OSBPL8: variants seen among roughly 807,000 people sequenced by gnomAD.
OSBPL8 encodes the protein oxysterol binding protein like 8.
OSBPL8 carries 59 observed loss-of-function variants against 125.5 expected under a neutral mutation model. The ratio of observed to expected loss-of-function variants is 0.47; its 90% CI spans 0.38 to 0.58. The LOEUF (loss-of-function observed/expected upper bound fraction) is 0.58. Ranked by LOEUF, OSBPL8 falls within the 20% of genes least tolerant of loss-of-function variation. The pLI is 0.00. For synonymous variants in OSBPL8, 330 were observed against 338.9 expected, an observed-to-expected ratio of 0.97 and a Z score of 0.29; for missense variants, 758 against 1,047.8, an observed-to-expected ratio of 0.72 and a Z score of 3.82.
intron 1 of OSBPL8, among the ~76,000 whole-genome samples, chr12:76,556,879 G>A (rs986273615): frequency 6.6e-6 from 1 of 151,880 alleles, no homozygotes; most frequent in African/African-American, 2.4e-5. Context: ...TTGGCCAGGC[G>A]GGTCTTGAAC....
intron 4 of OSBPL8, among the ~76,000 whole-genome samples, chr12:76,426,211 C>T (rs1202896554): frequency 6.6e-6 from 1 of 152,198 alleles, no homozygotes; most frequent in Non-Finnish European, 1.5e-5. Flanking sequence ...CTAATCAGAT[C>T]ATGTTCAAAT....
intron 4 of OSBPL8, among the ~76,000 whole-genome samples, chr12:76,426,565 G>C (rs900388870): frequency 1.3e-5 from 2 of 152,154 alleles, no homozygotes; most frequent in African/African-American, 4.8e-5. Flanking sequence ...AAGAGATAAG[G>C]ATCAGGAGAT....
At chr12:76,376,752 T>C (rs1238022972) in intron 16 of OSBPL8, among the ~76,000 whole-genome samples, 1 of 152,166 alleles carries the variant, frequency 6.6e-6, no homozygotes, top group Non-Finnish European at 1.5e-5. Flanking sequence ...TTGTACATGC[T>C]GGGTTGGCCT....
At chr12:76,524,279 G>C (rs1565968932) in intron 1 of OSBPL8, among the ~76,000 whole-genome samples, 2 of 152,178 alleles carry the variant, frequency 1.3e-5, no homozygotes, top group South Asian at 2.1e-4. Context: ...AAATTTCATA[G>C]AAAAAACTAT....
chr12:76,480,444 T>TA (rs1312900097), intron 2 of OSBPL8, among the ~76,000 whole-genome samples: 1 of 152,140 alleles, frequency 6.6e-6, no homozygotes, highest in East Asian at 1.9e-4. Context: ...GTAATGGGTA[T>TA]ATTGGGATAC....
chr12:76,550,594 A>G (rs2137497817), intron 1 of OSBPL8, among the ~76,000 whole-genome samples: 1 of 152,330 alleles, frequency 6.6e-6, no homozygotes, highest in East Asian at 1.9e-4. Context: ...TGAGCTTTAA[A>G]AAACAAAAAA....
intron 1 of OSBPL8, among the ~76,000 whole-genome samples, chr12:76,499,339 T>TATCTATCTATCTATC (rs1431585511): frequency 3.4e-5 from 4 of 117,992 alleles, no homozygotes; most frequent in African/African-American, 1.3e-4. Context: ...TCTATCTATC[T>TATCTATCTATCTATC]ATCTATCTAT....
chr12:76,361,286 T>A (rs1009175543), intron 21 of OSBPL8, among the ~76,000 whole-genome samples: 3 of 152,214 alleles, frequency 2.0e-5, no homozygotes, highest in African/African-American at 7.2e-5. Flanking sequence ...GCCTCTTTGC[T>A]AAAGCATAAC....
At chr12:76,431,244 C>T (rs540889087) in intron 4 of OSBPL8, among the ~76,000 whole-genome samples, 37 of 144,374 alleles carry the variant, frequency 2.6e-4, no homozygotes, top group African/African-American at 9.2e-4. Context: ...AAAAAATGCA[C>T]AATAGATTAA....
At chr12:76,544,454 G>A (rs1950729752) in intron 1 of OSBPL8, among the ~76,000 whole-genome samples, 1 of 152,142 alleles carries the variant, frequency 6.6e-6, no homozygotes, top group South Asian at 2.1e-4. Context: ...AGTGTTTGTT[G>A]AACAATAGTG....
intron 1 of OSBPL8, among the ~76,000 whole-genome samples, chr12:76,549,686 T>C (rs1186198074): frequency 6.6e-6 from 1 of 152,164 alleles, no homozygotes; most frequent in Non-Finnish European, 1.5e-5. Flanking sequence ...CAGGCGTTGA[T>C]GTATGACTTC....
At chr12:76,439,445 T>C (rs1359135915) in intron 4 of OSBPL8, among the ~76,000 whole-genome samples, 1 of 151,984 alleles carries the variant, frequency 6.6e-6, no homozygotes, top group African/African-American at 2.4e-5. Flanking sequence ...TGTTTAACAA[T>C]GACAATGACC....
intron 2 of OSBPL8, among the ~76,000 whole-genome samples, chr12:76,467,889 A>G (rs760891336): frequency 1.3e-5 from 2 of 152,184 alleles, no homozygotes; most frequent in Non-Finnish European, 1.5e-5. Context: ...CAACACTAAG[A>G]TAAGTGATCT....
At position 76,352,987 on chromosome 12, in the gene OSBPL8, C is replaced by T. The variant is rs1951874391; in HGVS notation, c.*2902G>A. 1 of 152,324 alleles carries T rather than the reference C, an allele frequency of 6.6e-6. No homozygotes were observed. Among genetic ancestry groups the T allele is most frequent in the Non-Finnish European group, 1.5e-5 (1 of 67,868 alleles). The allele number at this position is 152,324 out of a possible 1,614,324, so 9.4% of individuals were successfully genotyped here. On this transcript the variant is annotated 3_prime_UTR_variant, in exon 24 of 24. Transcript: ENST00000261183. The stretch of plus-strand genomic sequence containing the variant: ...GTATTATTGTTTAAATATACTATAG[C>T]TATATAAAAAGAAAGTAACACACAG...
chr12:76,381,644 T>A (rs1204948343), intron 15 of OSBPL8, among the ~76,000 whole-genome samples: 2 of 152,174 alleles, frequency 1.3e-5, no homozygotes, highest in African/African-American at 2.4e-5. Context: ...TGTTTTGAAA[T>A]CTATTTTATT....
At chr12:76,459,800 A>G in intron 3 of OSBPL8, 59 bp downstream of exon 3, 20 of 1,583,912 alleles carry the variant, frequency 1.3e-5, no homozygotes, top group Admixed American at 1.7e-5. Context: ...TTTCATAATA[A>G]TCACACATCA....
intron 21 of OSBPL8, among the ~76,000 whole-genome samples, chr12:76,362,998 A>G (rs762323278): frequency 6.6e-6 from 1 of 152,246 alleles, no homozygotes; most frequent in African/African-American, 2.4e-5. Context: ...CTGTTCAAGG[A>G]TAACTACAAA....
chr12:76,466,031 C>T (rs1204573596), intron 2 of OSBPL8, among the ~76,000 whole-genome samples: 1 of 151,804 alleles, frequency 6.6e-6, no homozygotes, highest in Admixed American at 6.6e-5. Flanking sequence ...TTCATTTTTC[C>T]ACCTACTAAA....
At chr12:76,443,977 T>C (rs1872494373) in intron 4 of OSBPL8, among the ~76,000 whole-genome samples, 1 of 152,146 alleles carries the variant, frequency 6.6e-6, no homozygotes, top group Admixed American at 6.6e-5. Context: ...ATACATAATT[T>C]CTTGAATAAT....
Sources: gnomAD v4.1 joint callset for allele counts (sites outside exome capture counted in the v4.1 genomes callset) on GRCh38, gnomAD v4.1.1 for gene constraint, MANE v1.5 for transcripts, NCBI Gene and HGNC (gene_info 2026-07-23, HGNC 2026-07-21) for gene names.